POC1B: variants seen among roughly 807,000 people sequenced by gnomAD.
The protein encoded by POC1B is POC1 centriolar protein B.
POC1B carries 44 observed loss-of-function variants against 60.6 expected under a neutral mutation model. The ratio of observed to expected loss-of-function variants is 0.73; its 90% CI spans 0.57 to 0.93. POC1B has a LOEUF of 0.93. Among genes scored for constraint, POC1B ranks in the 40% least tolerant of loss-of-function variants. The pLI, the probability that POC1B is intolerant of heterozygous loss-of-function variation, is 0.00. For missense variants in POC1B, 555 were observed against 572.3 expected (o/e 0.97, Z 0.31); for synonymous variants, 180 against 198.9 (o/e 0.90, Z 0.80).
In POC1B at chr12:89,525,121, A is replaced by G. The variant is rs1227105853; in HGVS notation, c.99T>C (p.Leu33=). 1 of 1,613,974 alleles carries G rather than the reference A, an allele frequency of 6.2e-7. No homozygotes were observed. The highest frequency in any genetic ancestry group is 1.1e-5 in the South Asian group (1 of 91,086). ...AAGCAAAACAAGAATAAGACTTACC[A>G]AGTTGCTTGCCGTTGGGGCTGAGGT... ...SLDLSPNGKQ[L]ATASWDTFLM... is the part of the protein sequence containing the mutation. Residue 33 remains leucine (L), a splice_region_variant and synonymous_variant, in exon 2 of 12, where the codon CTT becomes CTC. Transcript: ENST00000313546.
intron 10 of POC1B, chr12:89,425,959 T>C (rs1880746939): frequency 6.6e-6 from 1 of 152,300 alleles, no homozygotes; most frequent in African/African-American, 2.4e-5. Flanking sequence ...GCAATGTTCA[T>C]AGCAACATTA....
chr12:89,423,015 T>A (rs1880607656), intron 11 of POC1B, among the ~76,000 whole-genome samples: 1 of 151,972 alleles, frequency 6.6e-6, no homozygotes, highest in South Asian at 2.1e-4. Context: ...TATTACACAC[T>A]TTTTTTTGAG....
chr12:89,452,693 T>G (rs1037898077), intron 10 of POC1B, among the ~76,000 whole-genome samples: 19 of 152,140 alleles, frequency 1.2e-4, no homozygotes, highest in African/African-American at 3.9e-4. Context: ...CATATTTTAT[T>G]TGAAGGGGGG....
Position 89,453,929 on chromosome 12 carries a change from A to C in POC1B, c.1113+5709T>G, listed in dbSNP as rs149386156. Reference sequence around the variant, plus strand: ...TATACACCATATGACAATCTCCATGAAAGTGTATAACCTTTTTCTTCCTAA... The same window carrying C: ...TATACACCATATGACAATCTCCATGCAAGTGTATAACCTTTTTCTTCCTAA... On this transcript the variant is annotated intron_variant, in intron 10 of 11. Coordinates refer to ENST00000313546, the MANE Select transcript of POC1B (RefSeq NM_172240.3). 1.7e-3 allele frequency among the ~76,000 whole-genome samples: 260 copies of C among 152,356 alleles called. 2 individuals are homozygous for C. The highest frequency in any genetic ancestry group is 3.0e-3 in the Non-Finnish European group (201 of 68,032).
At chr12:89,497,417 C>T in intron 2 of POC1B, 75 bp from the exon 3 acceptor site, 12 of 1,433,064 alleles carry the variant, frequency 8.4e-6, no homozygotes, top group Non-Finnish European at 1.1e-5. Flanking sequence ...CAATGAGCAG[C>T]ATATCTAATA....
intron 4 of POC1B, among the ~76,000 whole-genome samples, chr12:89,476,759 T>TAGATAGATAGATAGATAGATAGACAGAC (rs1485211003): frequency 8.9e-4 from 52 of 58,626 alleles, no homozygotes; most frequent in East Asian, 5.5e-3. Flanking sequence ...GATAGATAGA[T>TAGATAGATAGATAGATAGATAGACAGAC]AGACAGACAG....
intron 2 of POC1B, among the ~76,000 whole-genome samples, chr12:89,510,442 T>A (rs1870125092): frequency 6.6e-6 from 1 of 152,188 alleles, no homozygotes; most frequent in South Asian, 2.1e-4. Flanking sequence ...CAGTGAGAGA[T>A]CCCTGGTAGT....
At chr12:89,469,506 C>T (rs1882807372) in intron 7 of POC1B, among the ~76,000 whole-genome samples, 1 of 152,180 alleles carries the variant, frequency 6.6e-6, no homozygotes, top group African/African-American at 2.4e-5. Context: ...GAATGAGTCA[C>T]AGGCAACACT....
chr12:89,498,225 A>C (rs1383149243), intron 2 of POC1B, among the ~76,000 whole-genome samples: 1 of 152,230 alleles, frequency 6.6e-6, no homozygotes, highest in African/African-American at 2.4e-5. Flanking sequence ...TTAATAAAAG[A>C]ATTAAAAGAA....
chr12:89,513,798 CA>C (rs1870302690), intron 2 of POC1B, among the ~76,000 whole-genome samples: 1 of 152,116 alleles, frequency 6.6e-6, no homozygotes, highest in Non-Finnish European at 1.5e-5. Context: ...TCAGCAGCGG[CA>C]TTAGATTCTC....
At chr12:89,428,869 A>G (rs553338050) in intron 10 of POC1B, 1 of 152,296 alleles carries the variant, frequency 6.6e-6, no homozygotes, top group Non-Finnish European at 1.5e-5. Context: ...TGCAGATTTT[A>G]TTATTGCTCT....
At chr12:89,451,336 T>G (rs1006632362) in intron 10 of POC1B, among the ~76,000 whole-genome samples, 1 of 152,194 alleles carries the variant, frequency 6.6e-6, no homozygotes, top group African/African-American at 2.4e-5. Context: ...AAATATGAGC[T>G]TTGTAGTGGC....
In POC1B at chr12:89,419,779, A is replaced by T. The variant is rs1021186474; in HGVS notation, c.*1374T>A. Reference sequence around the variant, plus strand: ...AGCATGACAAAATAAAATTGATAGGACATTTCATTTCTTACTTAGTCTTCT... The same window carrying T: ...AGCATGACAAAATAAAATTGATAGGTCATTTCATTTCTTACTTAGTCTTCT... On this transcript the variant is annotated 3_prime_UTR_variant, in exon 12 of 12. Transcript: ENST00000313546. 5 of 152,202 alleles carry T rather than the reference A, an allele frequency of 3.3e-5. No homozygotes were observed. The highest frequency in any genetic ancestry group is 1.2e-4 in the African/African-American group (5 of 41,448). 9.4% of individuals were successfully genotyped at this position (152,202 alleles called of 1,614,324 possible).
At chr12:89,418,150 G>A (rs1430635221), downstream of POC1B, among the ~76,000 whole-genome samples, 1 of 152,090 alleles carries the variant, frequency 6.6e-6, no homozygotes, top group African/African-American at 2.4e-5. Context: ...AGTCAGGGAG[G>A]GCACTTCTGA....
intron 4 of POC1B, among the ~76,000 whole-genome samples, chr12:89,483,227 T>C (rs1365571987): frequency 6.6e-6 from 1 of 152,116 alleles, no homozygotes; most frequent in Non-Finnish European, 1.5e-5. Flanking sequence ...AATGAGTGAG[T>C]TCTCACGATA....
At chr12:89,497,457 A>G in intron 2 of POC1B, 115 bp from the exon 3 acceptor site, 3 of 1,077,788 alleles carry the variant, frequency 2.8e-6, no homozygotes, top group Non-Finnish European at 2.6e-6. Flanking sequence ...GAGCGGCTGG[A>G]GGTTGTAAGG....
chr12:89,435,294 T>C lies in POC1B; in HGVS notation c.1114-9915A>G, dbSNP rs536888618. Among the ~76,000 whole-genome samples the C allele has an allele frequency of 5.3e-5, 8 of 151,806 alleles. No homozygotes were observed. The South Asian group carries it at 1.7e-3, about 32-fold the overall frequency. ...CTCCTGGGTTCAAGAAATTCTCTTG[T>C]CTCAGCCTCCTGAGTAGCTGGGACT... On this transcript the variant is annotated intron_variant, in intron 10 of 11. Coordinates refer to ENST00000313546, the MANE Select transcript of POC1B (RefSeq NM_172240.3).
intron 3 of POC1B, among the ~76,000 whole-genome samples, chr12:89,495,687 T>G (rs753682688): frequency 1.3e-5 from 2 of 152,010 alleles, no homozygotes; most frequent in Non-Finnish European, 1.5e-5. Context: ...GACCAGGGAG[T>G]CAGGGGGAAG....
At chr12:89,522,728 T>C (rs2135777806) in intron 2 of POC1B, 2 of 1,492,482 alleles carry the variant, frequency 1.3e-6, no homozygotes, top group East Asian at 2.3e-5. Flanking sequence ...TTTGATAAAA[T>C]AAAATACAAT....
Sources: allele counts gnomAD v4.1 joint callset (sites outside exome capture counted in the v4.1 genomes callset), GRCh38; gene constraint gnomAD v4.1.1; transcripts MANE v1.5; gene names NCBI Gene and HGNC (gene_info 2026-07-23, HGNC 2026-07-21).